GRIN2B: variants seen among roughly 807,000 people sequenced by gnomAD.
GRIN2B encodes the protein glutamate receptor ionotropic, NMDA 2B.
GRIN2B carries 5 observed loss-of-function variants against 114.5 expected under a neutral mutation model. The observed-to-expected ratio is 0.04, with a 90% CI of 0.02 to 0.09. GRIN2B has a LOEUF of 0.09. GRIN2B is among the 10% of genes least tolerant of loss of function. The pLI is 1.00. For missense variants in GRIN2B, 1,108 were observed against 1,943.5 expected, an observed-to-expected ratio of 0.57 and a Z score of 8.08; for synonymous variants, 787 against 745.1, an observed-to-expected ratio of 1.06 and a Z score of -0.92.
chr12:13,825,620 G>A (rs1239043571), intron 3 of GRIN2B, among the ~76,000 whole-genome samples: 1 of 151,006 alleles, frequency 6.6e-6, no homozygotes, highest in Admixed American at 6.6e-5. Flanking sequence ...GGGTTCAAGT[G>A]ATTCTCCTGC....
chr12:13,927,877 G>T (rs980725115), intron 2 of GRIN2B, among the ~76,000 whole-genome samples: 3 of 148,382 alleles, frequency 2.0e-5, no homozygotes, highest in Non-Finnish European at 3.0e-5. Flanking sequence ...TGAGGTGGGA[G>T]GATCACTTGA....
At chr12:13,685,436 T>A (rs190099556) in intron 4 of GRIN2B, among the ~76,000 whole-genome samples, 1 of 152,314 alleles carries the variant, frequency 6.6e-6, no homozygotes, top group Admixed American at 6.5e-5. Flanking sequence ...ATAATTTAGT[T>A]TTCCAGTAAT....
intron 2 of GRIN2B, among the ~76,000 whole-genome samples, chr12:13,910,701 C>A (rs1463188232): frequency 6.6e-6 from 1 of 152,160 alleles, no homozygotes; most frequent in African/African-American, 2.4e-5. Flanking sequence ...TGTGTCATTC[C>A]TCTGTTTAAA....
At chr12:13,717,749 A>G (rs1463176625) in intron 4 of GRIN2B, among the ~76,000 whole-genome samples, 1 of 152,036 alleles carries the variant, frequency 6.6e-6, no homozygotes, top group Non-Finnish European at 1.5e-5. Context: ...GTAAAAAGAT[A>G]CAAAATACTG....
chr12:13,857,399 A>ACT (rs1555148369), intron 3 of GRIN2B, among the ~76,000 whole-genome samples: 3 of 150,068 alleles, frequency 2.0e-5, no homozygotes, highest in Non-Finnish European at 3.0e-5. Context: ...ACACACACAC[A>ACT]CTCTCACACA....
chr12:13,794,652 A>G (rs1438290937), intron 3 of GRIN2B, among the ~76,000 whole-genome samples: 1 of 152,262 alleles, frequency 6.6e-6, no homozygotes, highest in African/African-American at 2.4e-5. Flanking sequence ...GTTCAAGTCA[A>G]TTGAGTAATC....
intron 2 of GRIN2B, among the ~76,000 whole-genome samples, chr12:13,916,735 A>ACACAAATGTG (rs59238170): frequency 0.3 from 30,502 of 101,442 alleles, 3,528 homozygotes; most frequent in Middle Eastern, 0.36. Flanking sequence ...ACACACACAC[A>ACACAAATGTG]TTTGTGTGTG....
At chr12:13,837,609 C>A (rs1385414279) in intron 3 of GRIN2B, among the ~76,000 whole-genome samples, 3 of 152,180 alleles carry the variant, frequency 2.0e-5, no homozygotes, top group African/African-American at 7.2e-5. Context: ...AAGGTTAAGT[C>A]ATTGCCTAAG....
intron 2 of GRIN2B, among the ~76,000 whole-genome samples, chr12:13,919,090 A>T (rs944888001): frequency 6.6e-6 from 1 of 152,208 alleles, no homozygotes; most frequent in South Asian, 2.1e-4. Context: ...TTTCCTCCAC[A>T]TGCAAATTCC....
At chr12:13,741,907 A>T (rs1472681772) in intron 4 of GRIN2B, among the ~76,000 whole-genome samples, 1 of 152,192 alleles carries the variant, frequency 6.6e-6, no homozygotes, top group Non-Finnish European at 1.5e-5. Context: ...TTTAAGCTTA[A>T]ATTATGCTAT....
chr12:13,945,727 G>A (rs1228885255), intron 2 of GRIN2B, among the ~76,000 whole-genome samples: 2 of 152,112 alleles, frequency 1.3e-5, no homozygotes, highest in African/African-American at 4.8e-5. Flanking sequence ...CACTAAAGCA[G>A]GTCAGTCTAA....
At chr12:13,675,911 G>T in intron 4 of GRIN2B, 52 bp from the exon 5 acceptor site, 2 of 984,232 alleles carry the variant, frequency 2.0e-6, no homozygotes, top group South Asian at 2.6e-5. Context: ...GGTATACCAT[G>T]AACAAGGCAG....
At chr12:13,687,701 G>A (rs1372035122) in intron 4 of GRIN2B, among the ~76,000 whole-genome samples, 1 of 152,192 alleles carries the variant, frequency 6.6e-6, no homozygotes, top group East Asian at 1.9e-4. Context: ...CTCTCTTTCT[G>A]TTATAATTTC....
intron 2 of GRIN2B, among the ~76,000 whole-genome samples, chr12:13,900,523 C>T (rs890403605): frequency 6.6e-6 from 1 of 152,004 alleles, no homozygotes; most frequent in East Asian, 1.9e-4. Context: ...GTTCCAAATT[C>T]TGAAGCAAAT....
At chr12:13,811,455 C>T (rs536645508) in intron 3 of GRIN2B, among the ~76,000 whole-genome samples, 1 of 152,280 alleles carries the variant, frequency 6.6e-6, no homozygotes, top group African/African-American at 2.4e-5. Flanking sequence ...GTGGCATGTG[C>T]CTGCATTTTC....
At chr12:13,633,115 C>T (rs1949631170) in intron 5 of GRIN2B, among the ~76,000 whole-genome samples, 1 of 152,220 alleles carries the variant, frequency 6.6e-6, no homozygotes, top group Admixed American at 6.5e-5. Flanking sequence ...CATAAAGTCA[C>T]TCCCAGGTGC....
chr12:13,647,008 G>A (rs1949766826), intron 5 of GRIN2B, among the ~76,000 whole-genome samples: 1 of 152,068 alleles, frequency 6.6e-6, no homozygotes, highest in Non-Finnish European at 1.5e-5. Flanking sequence ...CAGCCAAATA[G>A]CCACAAGCAA....
At chr12:13,936,043 A>G (rs2136829456) in intron 2 of GRIN2B, among the ~76,000 whole-genome samples, 1 of 152,314 alleles carries the variant, frequency 6.6e-6, no homozygotes, top group East Asian at 1.9e-4. Context: ...TGGCAGCTAA[A>G]AAGGCTAGAA....
rs1423011510 is a variant in GRIN2B, at chr12:13,548,690, T to A, written c.*14093A>T. The stretch of plus-strand genomic sequence containing the variant: ...CTACTGCCCCTCTCTCTTAGCTTAC[T>A]ATGATAACACGATTTTATGTGAATT... On this transcript the variant is annotated 3_prime_UTR_variant, in exon 14 of 14. Transcript: ENST00000609686. The A allele has an allele frequency of 6.6e-6, 1 of 152,140 alleles. No homozygotes were observed. The highest frequency in any genetic ancestry group is 1.5e-5 in the Non-Finnish European group (1 of 68,016). The allele number at this position is 152,140 out of a possible 1,614,324, so 9.4% of individuals were successfully genotyped here. A position where few individuals can be genotyped will look rare whatever the true frequency, so the allele number is the denominator to read the frequency against.
Sources: gnomAD v4.1 joint callset for allele counts (sites outside exome capture counted in the v4.1 genomes callset) on GRCh38, gnomAD v4.1.1 for gene constraint, MANE v1.5 for transcripts, NCBI Gene and HGNC (gene_info 2026-07-23, HGNC 2026-07-21) for gene names.